The following CSNK1G3 variants were observed in gnomAD, a reference collection of about 807,000 sequenced individuals.
CSNK1G3 encodes casein kinase 1 gamma 3, also known as casein kinase I isoform gamma-3.
In CSNK1G3, 23 loss-of-function variants were observed where a neutral mutation model predicts 64.3. That is an observed-to-expected ratio of 0.36 (90% confidence interval 0.26 to 0.51). The LOEUF is 0.51. Among genes scored for constraint, CSNK1G3 ranks in the 20% least tolerant of loss-of-function variants. The probability of loss-of-function intolerance (pLI) is 0.96; values close to 1 mark genes in which losing one functional copy is unlikely to be tolerated. For missense variants in CSNK1G3, 357 were observed against 510.5 expected, an observed-to-expected ratio of 0.70 and a Z score of 2.90; for synonymous variants, 158 against 162.2, an observed-to-expected ratio of 0.97 and a Z score of 0.20.
chr5:123,562,377 G>A (rs1785922649), intron 4 of CSNK1G3, among the ~76,000 whole-genome samples: 1 of 152,030 alleles, frequency 6.6e-6, no homozygotes, highest in African/African-American at 2.4e-5. Flanking sequence ...TGAGGGCAGT[G>A]ATAATGATAT....
chr5:123,566,441 G>GT (rs1786891474), intron 4 of CSNK1G3, among the ~76,000 whole-genome samples: 1 of 152,144 alleles, frequency 6.6e-6, no homozygotes, highest in African/African-American at 2.4e-5. Flanking sequence ...ACTGGAATGG[G>GT]TGGAGTAAGA....
At chr5:123,577,283 C>T (rs999618321) in intron 6 of CSNK1G3, among the ~76,000 whole-genome samples, 8 of 151,928 alleles carry the variant, frequency 5.3e-5, no homozygotes, top group African/African-American at 1.2e-4. Context: ...AAGATTTGGC[C>T]ACTGGATATG....
At chr5:123,541,559 G>A (rs1286782865) in intron 1 of CSNK1G3, among the ~76,000 whole-genome samples, 1 of 152,084 alleles carries the variant, frequency 6.6e-6, no homozygotes, top group African/African-American at 2.4e-5. Flanking sequence ...CTCCCAAGTA[G>A]CTGGGACTAC....
Position 123,588,411 on chromosome 5 carries a change from T to C in CSNK1G3, c.760-16T>C, listed in dbSNP as rs528554930. ...TTAAATTACCACATTCTCAAGATTT[T>C]TTTTTTCTGTTTTAGGCTGACACAT... On this transcript the variant is annotated splice_polypyrimidine_tract_variant and intron_variant, in intron 7 of 12. Coordinates refer to ENST00000345990, the Ensembl canonical transcript of CSNK1G3. 3.1e-5 allele frequency: 49 copies of C among 1,589,874 alleles called. No homozygotes were observed. The South Asian group carries it at 5.4e-4, about 18-fold the overall frequency.
chr5:123,517,086 G>A (rs1470533668), intron 1 of CSNK1G3, among the ~76,000 whole-genome samples: 3 of 152,126 alleles, frequency 2.0e-5, no homozygotes, highest in East Asian at 1.9e-4. Context: ...AGAAGTTGCC[G>A]ATAAGAATTT....
chr5:123,581,110 A>G (rs17150492), intron 6 of CSNK1G3, among the ~76,000 whole-genome samples: 12,482 of 151,822 alleles, frequency 0.082, 588 homozygotes, highest in South Asian at 0.12. Flanking sequence ...GTTTAAAAAC[A>G]TGTATTTACA....
chr5:123,541,670 G>A (rs1401053480), intron 1 of CSNK1G3, among the ~76,000 whole-genome samples: 5 of 152,088 alleles, frequency 3.3e-5, no homozygotes, highest in Admixed American at 6.6e-5. Context: ...GAGGTCAAGC[G>A]AATCACCTAC....
intron 4 of CSNK1G3, among the ~76,000 whole-genome samples, chr5:123,563,917 C>A (rs1388364314): frequency 6.6e-6 from 1 of 151,968 alleles, no homozygotes; most frequent in Non-Finnish European, 1.5e-5. Flanking sequence ...GTAGTGTAAA[C>A]TTAATCTCAG....
In CSNK1G3 at chr5:123,590,572, AT is replaced by A; in HGVS notation, c.990+15del. The stretch of plus-strand genomic sequence containing the variant: ...GGTAAACAGTTGGTGAGTATTCTAT[AT>A]AATAATATATTACTTACAGTATCTG... On this transcript the variant is annotated intron_variant, in intron 9 of 12. Transcript: ENST00000345990. 7.2e-7 allele frequency: 1 copy of A among 1,393,582 alleles called. No homozygotes were observed. 86.3% of individuals were successfully genotyped at this position (1,393,582 alleles called of 1,614,324 possible).
chr5:123,590,707 C>A, intron 9 of CSNK1G3, 149 bp downstream of exon 9: 1 of 454,762 alleles, frequency 2.2e-6, no homozygotes, highest in Non-Finnish European at 3.6e-6. Context: ...CAGGTAGTGC[C>A]GTACTAGTGT....
intron 10 of CSNK1G3, 47 bp from the exon 12 acceptor site, chr5:123,604,677 C>T: frequency 1.1e-6 from 1 of 915,850 alleles, no homozygotes; most frequent in South Asian, 1.5e-5. Flanking sequence ...TATTTATGAG[C>T]ATGTGTGTGT....
chr5:123,561,856 A>AT (rs1304758566), intron 4 of CSNK1G3, among the ~76,000 whole-genome samples: 1 of 152,058 alleles, frequency 6.6e-6, no homozygotes, highest in East Asian at 1.9e-4. Context: ...TCAAGCTGAA[A>AT]TGTTAGCCTC....
chr5:123,534,485 A>ATT (rs1780475418), intron 1 of CSNK1G3, among the ~76,000 whole-genome samples: 1 of 152,134 alleles, frequency 6.6e-6, no homozygotes, highest in African/African-American at 2.4e-5. Flanking sequence ...GTCTTAGAAA[A>ATT]TCAGAGCTAG....
intron 1 of CSNK1G3, among the ~76,000 whole-genome samples, chr5:123,532,873 T>C (rs1241351968): frequency 6.6e-6 from 1 of 151,960 alleles, no homozygotes; most frequent in African/African-American, 2.4e-5. Flanking sequence ...TTTCTAGTCT[T>C]TGAATTTTTC....
intron 1 of CSNK1G3, among the ~76,000 whole-genome samples, chr5:123,518,885 A>G (rs1475835822): frequency 1.3e-5 from 2 of 152,186 alleles, no homozygotes; most frequent in East Asian, 1.9e-4. Flanking sequence ...TCAGCGTCCC[A>G]AGTAGCTGGG....
At chr5:123,585,470 T>C (rs185060810) in intron 6 of CSNK1G3, among the ~76,000 whole-genome samples, 18 of 152,224 alleles carry the variant, frequency 1.2e-4, no homozygotes, top group Admixed American at 4.6e-4. Flanking sequence ...CCCTGATAAA[T>C]TGGACTTCAT....
At chr5:123,559,069 G>A (rs547198148) in intron 4 of CSNK1G3, among the ~76,000 whole-genome samples, 17 of 152,270 alleles carry the variant, frequency 1.1e-4, no homozygotes, top group African/African-American at 3.9e-4. Flanking sequence ...AAAAATTTCA[G>A]CAAAAGTTGT....
At chr5:123,577,841 A>G (rs142384981) in intron 6 of CSNK1G3, among the ~76,000 whole-genome samples, 1 of 152,030 alleles carries the variant, frequency 6.6e-6, no homozygotes, top group Non-Finnish European at 1.5e-5. Context: ...TTAGAACACT[A>G]TCATTATCCT....
chr5:123,587,248 T>C (rs2150934777), intron 6 of CSNK1G3, among the ~76,000 whole-genome samples: 1 of 152,348 alleles, frequency 6.6e-6, no homozygotes, highest in South Asian at 2.1e-4. Flanking sequence ...GTATGATTGT[T>C]CATGTGGATA....
Sources: allele counts gnomAD v4.1 joint callset (sites outside exome capture counted in the v4.1 genomes callset), GRCh38; gene constraint gnomAD v4.1.1; transcripts MANE v1.5; gene names NCBI Gene and HGNC (gene_info 2026-07-23, HGNC 2026-07-21).